PSD3: variants seen among roughly 807,000 people sequenced by gnomAD.
PSD3 encodes pleckstrin and Sec7 domain containing 3, also known as PH and SEC7 domain-containing protein 3.
PSD3 carries 49 observed loss-of-function variants against 105.5 expected under a neutral mutation model. That is an observed-to-expected ratio of 0.46 (90% CI 0.37 to 0.59). The LOEUF (loss-of-function observed/expected upper bound fraction) is 0.59, where lower values mean the gene tolerates loss of function less well. Among genes scored for constraint, PSD3 ranks in the 20% least tolerant of loss-of-function variants. The pLI, the probability that PSD3 is intolerant of heterozygous loss-of-function variation, is 0.00. For missense variants in PSD3, 1,561 were observed against 1,263.8 expected (o/e 1.24, Z -3.57); for synonymous variants, 557 against 457.8 (o/e 1.22, Z -2.77).
In PSD3 at chr8:18,620,601, C is replaced by T. The variant is rs561447780; in HGVS notation, c.2410+12012G>A. On this transcript the variant is annotated intron_variant, in intron 11 of 15. Coordinates refer to ENST00000327040, the MANE Select transcript of PSD3 (RefSeq NM_015310.4). ...GCACATTCCTGTGGTCCCAGCTATT[C>T]AATAGGCTGAGGTAGGGGGGACTGC... 2.0e-5 allele frequency among the ~76,000 whole-genome samples: 3 copies of T among 152,024 alleles called. No homozygotes were observed. In the East Asian group the frequency reaches 5.8e-4, roughly 30 times the overall value.
intron 2 of PSD3, among the ~76,000 whole-genome samples, chr8:18,916,301 T>G (rs1403187992): frequency 0.03 from 15 of 494 alleles, no homozygotes; most frequent in South Asian, 0.2. Context: ...AAAAGTGATA[T>G]ATATATATAT....
intron 1 of PSD3, among the ~76,000 whole-genome samples, chr8:18,995,761 G>C (rs1179108681): frequency 6.6e-6 from 1 of 151,928 alleles, no homozygotes; most frequent in Non-Finnish European, 1.5e-5. Context: ...ATGTGCAGGG[G>C]AACTGCCTTT....
intron 4 of PSD3, among the ~76,000 whole-genome samples, chr8:18,824,329 G>A (rs1813002596): frequency 6.6e-6 from 1 of 152,162 alleles, no homozygotes; most frequent in South Asian, 2.1e-4. Flanking sequence ...TTATATAGTT[G>A]AAAGGAAGGC....
intron 1 of PSD3, among the ~76,000 whole-genome samples, chr8:19,022,091 A>C (rs1827382289): frequency 6.6e-6 from 1 of 152,036 alleles, no homozygotes; most frequent in Admixed American, 6.6e-5. Context: ...AGAGCAGGAG[A>C]AGGGTTGGGG....
chr8:19,033,858 A>C (rs543642433), intron 1 of PSD3, among the ~76,000 whole-genome samples: 5 of 152,222 alleles, frequency 3.3e-5, no homozygotes, highest in East Asian at 1.9e-4. Flanking sequence ...GTCATCATAC[A>C]ATGTTGTTAA....
intron 10 of PSD3, among the ~76,000 whole-genome samples, chr8:18,651,028 G>A (rs925567394): frequency 6.6e-6 from 1 of 152,066 alleles, no homozygotes; most frequent in African/African-American, 2.4e-5. Context: ...AACAACAATG[G>A]ACTACGTAAG....
intron 8 of PSD3, among the ~76,000 whole-genome samples, chr8:18,771,634 T>G (rs544035321): frequency 1.3e-5 from 2 of 152,344 alleles, no homozygotes; most frequent in South Asian, 4.1e-4. Context: ...AAACTCTTTT[T>G]GAAATCAACA....
At chr8:18,571,395 C>T (rs994030674) in intron 14 of PSD3, among the ~76,000 whole-genome samples, 2 of 151,974 alleles carry the variant, frequency 1.3e-5, no homozygotes, top group African/African-American at 4.8e-5. Context: ...TCTCGTCCCA[C>T]ACCTCACCTA....
chr8:18,958,479 T>G (rs1211961001), intron 1 of PSD3, among the ~76,000 whole-genome samples: 3 of 152,224 alleles, frequency 2.0e-5, no homozygotes, highest in Non-Finnish European at 4.4e-5. Context: ...ATAGATTCTT[T>G]CTGAGCACTC....
chr8:18,874,021 G>C (rs1188969206), intron 2 of PSD3, among the ~76,000 whole-genome samples: 2 of 152,146 alleles, frequency 1.3e-5, no homozygotes, highest in South Asian at 2.1e-4. Context: ...AGTCCTATCA[G>C]CCCTAGTATC....
At chr8:18,591,584 T>C (rs1490045840) in intron 12 of PSD3, among the ~76,000 whole-genome samples, 2 of 152,098 alleles carry the variant, frequency 1.3e-5, no homozygotes, top group Admixed American at 6.6e-5. Flanking sequence ...CTAGCATAGC[T>C]TGGAAGCCTG....
At chr8:18,887,974 G>A (rs1382339650) in intron 2 of PSD3, among the ~76,000 whole-genome samples, 2 of 152,164 alleles carry the variant, frequency 1.3e-5, no homozygotes, top group Non-Finnish European at 2.9e-5. Flanking sequence ...TAAAACTCAA[G>A]AGAGGTGTGT....
chr8:18,759,040 A>G lies in PSD3; in HGVS notation c.2172+6409T>C, dbSNP rs903794283. Among the ~76,000 whole-genome samples, 14 of 149,538 alleles carry G rather than the reference A, an allele frequency of 9.4e-5. No individual in the cohort carries two copies. In the East Asian group the frequency reaches 2.9e-3, roughly 31 times the overall value. On this transcript the variant is annotated intron_variant, in intron 9 of 15. Coordinates refer to ENST00000327040, the MANE Select transcript of PSD3 (RefSeq NM_015310.4). ...GAAGCTTATAAATCCTGCTAGGCCA[A>G]GCATACTGATTTACATCCTTTCAAT... is the stretch of plus-strand genomic sequence containing the variant.
At chr8:18,817,593 G>A (rs17127262) in intron 4 of PSD3, among the ~76,000 whole-genome samples, 6,201 of 152,272 alleles carry the variant, frequency 0.041, 145 homozygotes, top group Admixed American at 0.067. Flanking sequence ...CTGTGTACTC[G>A]TCTCAATGCA....
chr8:18,696,429 T>G (rs945000716), intron 9 of PSD3, among the ~76,000 whole-genome samples: 1 of 152,224 alleles, frequency 6.6e-6, no homozygotes, highest in Non-Finnish European at 1.5e-5. Flanking sequence ...GGAGCTTGGA[T>G]TCAATGTTGA....
intron 9 of PSD3, among the ~76,000 whole-genome samples, chr8:18,743,284 A>G (rs563891347): frequency 6.6e-5 from 10 of 152,288 alleles, no homozygotes; most frequent in African/African-American, 2.2e-4. Flanking sequence ...ATACTCCTAC[A>G]GCTTCTTTTC....
intron 2 of PSD3, among the ~76,000 whole-genome samples, chr8:18,906,682 A>G (rs1323796598): frequency 6.6e-6 from 1 of 152,242 alleles, no homozygotes; most frequent in African/African-American, 2.4e-5. Context: ...AAAAATTAGC[A>G]TAAGAAAGTA....
chr8:19,083,440 G>A (rs553721496), intron 1 of PSD3, among the ~76,000 whole-genome samples: 27 of 152,328 alleles, frequency 1.8e-4, no homozygotes, highest in African/African-American at 6.5e-4. Flanking sequence ...GCTGGAAACA[G>A]GAGCCCACAG....
At chr8:18,759,092 A>ACACTCTCTCT (rs756248977) in intron 9 of PSD3, among the ~76,000 whole-genome samples, 1 of 143,864 alleles carries the variant, frequency 7.0e-6, no homozygotes, top group African/African-American at 2.5e-5. Context: ...ACACACACAC[A>ACACTCTCTCT]CTCTCTCTCT....
Sources: allele counts gnomAD v4.1 joint callset (sites outside exome capture counted in the v4.1 genomes callset), GRCh38; gene constraint gnomAD v4.1.1; transcripts MANE v1.5; gene names NCBI Gene and HGNC (gene_info 2026-07-23, HGNC 2026-07-21).